TAOK3: variants seen among roughly 807,000 people sequenced by gnomAD.
TAOK3 encodes the protein TAO kinase 3, also known as serine/threonine-protein kinase TAO3.
Under a neutral mutation model 120.4 loss-of-function variants are expected in TAOK3, and 40 were observed. The ratio of observed to expected loss-of-function variants is 0.33; its 90% CI spans 0.26 to 0.43. The LOEUF (loss-of-function observed/expected upper bound fraction) is 0.43, where lower values mean the gene tolerates loss of function less well. Ranked by LOEUF, TAOK3 falls within the 20% of genes least tolerant of loss-of-function variation. The pLI, the probability that TAOK3 is intolerant of heterozygous loss-of-function variation, is 1.00. For missense variants in TAOK3, 821 were observed against 1,112.1 expected, an observed-to-expected ratio of 0.74 and a Z score of 3.72; for synonymous variants, 355 against 387.5, an observed-to-expected ratio of 0.92 and a Z score of 0.99.
intron 1 of TAOK3, among the ~76,000 whole-genome samples, chr12:118,323,665 G>A (rs758367381): frequency 6.6e-6 from 1 of 152,120 alleles, no homozygotes; most frequent in Non-Finnish European, 1.5e-5. Context: ...TATATGTACT[G>A]ACCTTATATA....
At chr12:118,205,627 T>G (rs999561784) in intron 11 of TAOK3, among the ~76,000 whole-genome samples, 1 of 152,166 alleles carries the variant, frequency 6.6e-6, no homozygotes, top group Non-Finnish European at 1.5e-5. Context: ...TTCTTTTTTT[T>G]TGAGACAAAG....
intron 2 of TAOK3, among the ~76,000 whole-genome samples, chr12:118,265,762 G>C (rs1202055473): frequency 2.6e-5 from 4 of 152,128 alleles, no homozygotes; most frequent in Admixed American, 2.0e-4. Context: ...TTTAGCAAAA[G>C]AGGCAAGGCA....
At chr12:118,309,969 T>C (rs2043204698) in intron 1 of TAOK3, among the ~76,000 whole-genome samples, 1 of 152,128 alleles carries the variant, frequency 6.6e-6, no homozygotes, top group Admixed American at 6.6e-5. Context: ...TCCCTTCTCA[T>C]AATTAGCTTA....
At chr12:118,193,049 GTTTTTTTTTTTT>G (rs11380296) in intron 13 of TAOK3, among the ~76,000 whole-genome samples, 3 of 107,388 alleles carry the variant, frequency 2.8e-5, no homozygotes, top group African/African-American at 7.1e-5. Context: ...CCACGTTGTT[GTTTTTTTTTTTT>G]TTTTTTTTTG....
chr12:118,231,630 A>G (rs1395261053), intron 9 of TAOK3, among the ~76,000 whole-genome samples: 1 of 152,100 alleles, frequency 6.6e-6, no homozygotes. Flanking sequence ...AATTAGACAA[A>G]GAATTTTTTT....
intron 16 of TAOK3, among the ~76,000 whole-genome samples, chr12:118,175,307 T>C (rs1286546120): frequency 6.6e-6 from 1 of 152,062 alleles, no homozygotes; most frequent in African/African-American, 2.4e-5. Context: ...CCTTGCTGAG[T>C]CCTCTATTGC....
chr12:118,266,317 C>G (rs2041446459), intron 2 of TAOK3, among the ~76,000 whole-genome samples: 1 of 152,030 alleles, frequency 6.6e-6, no homozygotes. Flanking sequence ...CTCAGCCTCC[C>G]CAGTAGCTGG....
At chr12:118,246,187 G>T (rs2140040180) in intron 3 of TAOK3, 1 of 1,405,276 alleles carries the variant, frequency 7.1e-7, no homozygotes, top group South Asian at 1.2e-5. Context: ...GGCATCCGGG[G>T]CCGGGGTCGC....
Position 118,262,632 on chromosome 12 carries a change from G to T in TAOK3, c.-89+4023C>A, listed in dbSNP as rs113584277. Among the ~76,000 whole-genome samples the T allele has an allele frequency of 9.2e-3, 1,397 of 152,124 alleles. 9 individuals are homozygous for T. The highest frequency in any genetic ancestry group is 0.013 in the Non-Finnish European group (898 of 67,988). On this transcript the variant is annotated intron_variant, in intron 2 of 20. Coordinates refer to ENST00000392533, the MANE Select transcript of TAOK3 (RefSeq NM_016281.4). The stretch of plus-strand genomic sequence containing the variant: ...ACTTGAGGTGAGGCGTTCAAGACCA[G>T]CCTGGCCAACATGGTGAAACCCTGT...
At chr12:118,178,934 T>C (rs2036519944) in intron 15 of TAOK3, among the ~76,000 whole-genome samples, 2 of 152,296 alleles carry the variant, frequency 1.3e-5, no homozygotes, top group Admixed American at 6.5e-5. Context: ...ACTTGGGAGA[T>C]AGAGGGGGAA....
At position 118,255,486 on chromosome 12, in the gene TAOK3, G is replaced by T. The variant is rs766846867; in HGVS notation, c.82C>A (p.His28Asn). ...DDPEELFIGL[H>N]EIGHGSFGAV... ...CCAAAACTTCCATGTCCAATTTCAT[G>T]CAAACCAATAAAAAGTTCCTCAGGA... is the stretch of plus-strand genomic sequence containing the variant. The change falls in exon 3 of 21, where the codon CAT (histidine) becomes AAT (asparagine). Residue 28 changes from histidine to asparagine, a missense_variant. By Grantham distance (68) the His-to-Asn change is moderately conservative (BLOSUM62 1). This residue lies in a region of TAOK3 where 467 missense variants were observed against 540.0 expected (regional missense o/e 0.86). Coordinates refer to ENST00000392533, the MANE Select transcript of TAOK3 (RefSeq NM_016281.4). 28 of 1,613,976 alleles carry T rather than the reference G, an allele frequency of 1.7e-5. No homozygotes were observed. The African/African-American group carries it at 3.7e-4, about 22-fold the overall frequency.
At chr12:118,273,985 T>A (rs1322898098) in intron 1 of TAOK3, among the ~76,000 whole-genome samples, 2 of 152,154 alleles carry the variant, frequency 1.3e-5, no homozygotes, top group African/African-American at 4.8e-5. Context: ...ATCTTAACTT[T>A]ACAGCAGTGA....
chr12:118,283,795 G>A, intron 1 of TAOK3: 2 of 189,536 alleles, frequency 1.1e-5, no homozygotes, highest in South Asian at 8.9e-5. Flanking sequence ...AGGAAATGGT[G>A]GGCACAAAGG....
intron 11 of TAOK3, among the ~76,000 whole-genome samples, chr12:118,210,889 C>T (rs1302949603): frequency 6.6e-6 from 1 of 152,002 alleles, no homozygotes; most frequent in Non-Finnish European, 1.5e-5. Context: ...TAGGTGCCTG[C>T]CACCATGCCC....
intron 17 of TAOK3, among the ~76,000 whole-genome samples, chr12:118,162,291 G>A (rs2035270945): frequency 6.6e-6 from 1 of 152,078 alleles, no homozygotes; most frequent in Non-Finnish European, 1.5e-5. Context: ...AATTCTACCT[G>A]ACTCTCTCTT....
chr12:118,253,755 CAAAAAA>C (rs11299995), intron 3 of TAOK3, among the ~76,000 whole-genome samples: 7 of 146,094 alleles, frequency 4.8e-5, no homozygotes, highest in Admixed American at 6.8e-5. Flanking sequence ...AACAAACAAA[CAAAAAA>C]AAAAAAACAG....
At chr12:118,322,254 G>C (rs773279777) in intron 1 of TAOK3, among the ~76,000 whole-genome samples, 10 of 146,128 alleles carry the variant, frequency 6.8e-5, no homozygotes, top group Non-Finnish European at 1.3e-4. Context: ...GGCAGAGGTT[G>C]CAATGAGCTG....
chr12:118,338,009 T>G (rs1275511892), intron 1 of TAOK3, among the ~76,000 whole-genome samples: 3 of 152,332 alleles, frequency 2.0e-5, no homozygotes, highest in African/African-American at 7.2e-5. Flanking sequence ...AGATAAAGGG[T>G]ACACCCGACC....
In TAOK3 at chr12:118,187,385, ACACAACAGAATTCAT is replaced by A. The variant is rs2037139247; in HGVS notation, c.1329+2407_1329+2421del. Among the ~76,000 whole-genome samples the A allele has an allele frequency of 2.6e-5, 4 of 152,284 alleles. No individual in the cohort carries two copies. The South Asian group carries it at 8.3e-4, about 32-fold the overall frequency. On this transcript the variant is annotated intron_variant, in intron 14 of 20. Transcript: ENST00000392533. ...TTTCATTTGAGCTGGGGTCCATAAA[ACACAACAGAATTCAT>A]AATATATTTTTAAAAATTAAATATT...
Sources: allele counts gnomAD v4.1 joint callset (sites outside exome capture counted in the v4.1 genomes callset), GRCh38; gene constraint gnomAD v4.1.1; regional missense constraint gnomAD v4.1.1; transcripts MANE v1.5; gene names NCBI Gene and HGNC (gene_info 2026-07-23, HGNC 2026-07-21).